LBX2: variants seen among roughly 807,000 people sequenced by gnomAD.
The protein encoded by LBX2 is transcription factor LBX2.
In LBX2, 6 loss-of-function variants were observed where a neutral mutation model predicts 7.5. The observed-to-expected ratio is 0.80, with a 90% CI of 0.44 to 1.59. LBX2 has a LOEUF of 1.59. Among genes scored for constraint, LBX2 ranks in the 40% most tolerant of loss-of-function variants. LBX2 has a pLI of 0.01. For synonymous variants in LBX2, 143 were observed against 133.2 expected (o/e 1.07, Z -0.51); for missense variants, 281 against 282.0 (o/e 1.00, Z 0.03).
upstream of LBX2, chr2:74,503,003 G>A: frequency 2.9e-6 from 2 of 697,974 alleles, no homozygotes; most frequent in Middle Eastern, 5.7e-4. This position sits in a 1 kb window ranked among gnomAD's most constrained non-coding sequence, Gnocchi z 5.1. Context: ...GGCAAGGTTT[G>A]GCCCTCAGGC....
chr2:74,502,790 G>A, upstream of LBX2: 1 of 1,613,954 alleles, frequency 6.2e-7, no homozygotes, highest in African/African-American at 1.3e-5. This position sits in a 1 kb window ranked among gnomAD's most constrained non-coding sequence, Gnocchi z 5.4. Context: ...GGGAAACTCC[G>A]ACGCCCTCCT....
At chr2:74,498,657 C>T in intron 1 of LBX2, 1 of 343,132 alleles carries the variant, frequency 2.9e-6, no homozygotes, top group South Asian at 6.1e-5. Context: ...GCTGAGCAGG[C>T]TATAAGTTGA....
intron 1 of LBX2, chr2:74,498,664 T>G: frequency 3.1e-6 from 1 of 322,394 alleles, no homozygotes; most frequent in Non-Finnish European, 5.8e-6. Context: ...AGGCTATAAG[T>G]TGAGGGTGAC....
chr2:74,498,448 G>A, intron 1 of LBX2, 130 bp from the exon 2 acceptor site: 1 of 719,030 alleles, frequency 1.4e-6, no homozygotes. Flanking sequence ...GGCGGACGGA[G>A]ACCAGAACTG....
chr2:74,498,404 G>A, intron 1 of LBX2, 86 bp from the exon 2 acceptor site: 1 of 1,089,358 alleles, frequency 9.2e-7, no homozygotes, highest in Non-Finnish European at 1.3e-6. Flanking sequence ...GGTCGGGCCG[G>A]TGGCGGTGGG....
intron 1 of LBX2, 95 bp from the exon 2 acceptor site, chr2:74,498,413 G>A: frequency 1.0e-6 from 1 of 991,470 alleles, no homozygotes; most frequent in Non-Finnish European, 1.4e-6. Context: ...GGTGGCGGTG[G>A]GGGAAGTAGA....
chr2:74,500,606 G>A (rs185746802), upstream of LBX2, among the ~76,000 whole-genome samples: 1 of 152,244 alleles, frequency 6.6e-6, no homozygotes, highest in East Asian at 1.9e-4. Flanking sequence ...TATTTAATCT[G>A]GGCCCTTTTT....
At chr2:74,503,009 C>T (rs1016104209), upstream of LBX2, 11 of 651,992 alleles carry the variant, frequency 1.7e-5, no homozygotes, top group Non-Finnish European at 2.8e-5. The surrounding 1 kb of genome is among the most constrained non-coding windows in gnomAD (Gnocchi z 5.1). Context: ...GTTTGGCCCT[C>T]AGGCGAGAAC....
In LBX2 at chr2:74,497,924, T is replaced by C. The variant is rs773274082; in HGVS notation, c.*3A>G. 51 of 1,551,312 alleles carry C rather than the reference T, an allele frequency of 3.3e-5. No individual in the cohort carries two copies. The highest frequency in any genetic ancestry group is 4.3e-5 in the Non-Finnish European group (49 of 1,146,746). ...GAGCCCAGGATTGGCGGCGGCTTTG[T>C]CTTCAATCGTCCACCTGTATCTCCT... On this transcript the variant is annotated 3_prime_UTR_variant, in exon 2 of 2. Transcript: ENST00000377566.
rs755329480 is a variant in LBX2, at chr2:74,498,295, C to T, written c.229G>A (p.Gly77Ser). ...SEGRAGPDAL[G>S]PGPFGRKRRK... The stretch of plus-strand genomic sequence containing the variant: ...CGTTTGCGGCCGAAGGGACCAGGGC[C>T]CAGCGCGTCCGGACCTGCCCGCCCT... The change falls in exon 2 of 2, where the codon GGC (glycine) becomes AGC (serine). Residue 77 changes from glycine to serine, a missense_variant. Around this residue, in one of 3 missense-constraint regions of LBX2, gnomAD observed 216 missense variants for 208.7 expected, o/e 1.03. Transcript: ENST00000377566. 6.4e-7 allele frequency: 1 copy of T among 1,558,118 alleles called. No homozygotes were observed. Among genetic ancestry groups the T allele is most frequent in the Non-Finnish European group, 8.7e-7 (1 of 1,155,382 alleles).
chr2:74,500,268 G>A (rs557866381), upstream of LBX2, among the ~76,000 whole-genome samples: 16 of 152,148 alleles, frequency 1.1e-4, no homozygotes, highest in African/African-American at 3.9e-4. Context: ...AGAAGCTGCC[G>A]GGAGACCCGG....
rs1674382958 is a variant in LBX2, at chr2:74,497,751, C to G, written c.*176G>C. 1 of 699,882 alleles carries G rather than the reference C, an allele frequency of 1.4e-6. No individual in the cohort carries two copies. Among genetic ancestry groups the G allele is most frequent in the Non-Finnish European group, 2.3e-6 (1 of 442,104 alleles). 43.4% of individuals were successfully genotyped at this position (699,882 alleles called of 1,614,324 possible). ...CCAGCCTGGGCGACAGAGCGAGGCC[C>G]TGTCTCAGACAACAAAACAAACTTA... On this transcript the variant is annotated 3_prime_UTR_variant, in exon 2 of 2. Transcript: ENST00000377566.
upstream of LBX2, chr2:74,499,693 C>T: frequency 1.4e-6 from 1 of 731,066 alleles, no homozygotes; most frequent in South Asian, 1.9e-5. This position sits in a 1 kb window ranked among gnomAD's most constrained non-coding sequence, Gnocchi z 4.6. Flanking sequence ...GCCCCCACCT[C>T]TCCACCCCGG....
upstream of LBX2, chr2:74,502,648 T>C: frequency 6.2e-7 from 1 of 1,612,410 alleles, no homozygotes; most frequent in Non-Finnish European, 8.5e-7. The surrounding 1 kb of genome is among the most constrained non-coding windows in gnomAD (Gnocchi z 5.4). Flanking sequence ...AACCGGTCCT[T>C]ATATCTTAGT....
Position 74,499,320 on chromosome 2 carries a change from G to A in LBX2, c.205+13C>T. On this transcript the variant is annotated intron_variant, in intron 1 of 1. Coordinates refer to ENST00000377566, the MANE Select transcript of LBX2 (RefSeq NM_001282430.2). This position sits in a 1 kb window ranked among gnomAD's most constrained non-coding sequence, Gnocchi z 4.6. ...AGGCTAAGTCAGAGTCCGCGACCTT[G>A]CCGGCTCTATACCTTCAGAGGGCTG... 1 of 1,548,428 alleles carries A rather than the reference G, an allele frequency of 6.5e-7. No homozygotes were observed. The highest frequency in any genetic ancestry group is 8.7e-7 in the Non-Finnish European group (1 of 1,145,030).
chr2:74,498,047 C>A lies in LBX2; in HGVS notation c.477G>T (p.Pro159=). 1.2e-6 allele frequency: 2 copies of A among 1,613,650 alleles called. No individual in the cohort carries two copies. Among genetic ancestry groups the A allele is most frequent in the Non-Finnish European group, 8.5e-7 (1 of 1,179,854 alleles). The change falls in exon 2 of 2, where the codon CCG becomes CCT. Residue 159 remains proline, a synonymous_variant. Transcript: ENST00000377566. ...GCAGTGCTAAGCTGCACAGGACTTCCGGGGACAACGCGCGTAGCGAGGCGA... is the reference window on the plus strand; with the variant it reads ...GCAGTGCTAAGCTGCACAGGACTTCAGGGGACAACGCGCGTAGCGAGGCGA... ...ADVASLRALS[P]EVLCSLALPE...
chr2:74,503,020 C>G (rs1352697761), upstream of LBX2: 1 of 610,670 alleles, frequency 1.6e-6, no homozygotes. The surrounding 1 kb of genome is among the most constrained non-coding windows in gnomAD (Gnocchi z 5.1). Flanking sequence ...AGGCGAGAAC[C>G]GACGCCTTGT....
chr2:74,498,811 C>A, intron 1 of LBX2: 1 of 192,488 alleles, frequency 5.2e-6, no homozygotes, highest in Non-Finnish European at 1.1e-5. Context: ...TCCTCCGGCC[C>A]CAAAGGGAGA....
upstream of LBX2, chr2:74,502,626 T>C (rs757713819): frequency 4.4e-6 from 7 of 1,586,008 alleles, no homozygotes; most frequent in African/African-American, 9.4e-5. This position sits in a 1 kb window ranked among gnomAD's most constrained non-coding sequence, Gnocchi z 5.4. Flanking sequence ...CAGAAAGCGC[T>C]ACTGCGGAGT....
Sources: gnomAD v4.1 joint callset for allele counts (sites outside exome capture counted in the v4.1 genomes callset) on GRCh38, gnomAD v4.1.1 for gene constraint, gnomAD v4.1.1 regional missense constraint, Gnocchi (gnomAD v3.1) non-coding constraint, MANE v1.5 for transcripts, NCBI Gene and HGNC (gene_info 2026-07-23, HGNC 2026-07-21) for gene names.